Variants in SLC52A1 observed in about 807,000 individuals in gnomAD.
SLC52A1 encodes the protein solute carrier family 52, riboflavin transporter, member 1.
SLC52A1 carries 20 observed loss-of-function variants against 23.2 expected under a neutral mutation model. That is an observed-to-expected ratio of 0.86 (90% CI 0.61 to 1.25). The LOEUF is 1.25. Ranked by LOEUF, SLC52A1 falls within the 50% of genes most tolerant of loss-of-function variation. The pLI, the probability that SLC52A1 is intolerant of heterozygous loss-of-function variation, is 0.00. For synonymous variants in SLC52A1, 260 were observed against 256.6 expected (o/e 1.01, Z -0.13); for missense variants, 528 against 557.0 (o/e 0.95, Z 0.52).
In SLC52A1 at chr17:5,034,893, G is replaced by A. The variant is rs753862968; in HGVS notation, c.-140C>T. 11 of 329,426 alleles carry A rather than the reference G, an allele frequency of 3.3e-5. No individual in the cohort carries two copies. Among genetic ancestry groups the A allele is most frequent in the African/African-American group, 1.5e-4 (7 of 48,154 alleles). The allele number at this position is 329,426 out of a possible 1,614,324, so 20.4% of individuals were successfully genotyped here. On this transcript the variant is annotated 5_prime_UTR_variant, in exon 1 of 5. Transcript: ENST00000254853. The stretch of plus-strand genomic sequence containing the variant: ...CACCGGCTGTGCGTTTGGGTACAGC[G>A]ACCCAGCAGTGCCGGCAGGCAGACA...
Position 5,033,020 on chromosome 17 carries a change from A to T in SLC52A1, c.1284T>A (p.Pro428=), listed in dbSNP as rs1418128885. The change falls in exon 5 of 5, where the codon CCT becomes CCA. Residue 428 remains proline, a synonymous_variant. Transcript: ENST00000254853. ...GSLLGAGAMF[P]PTSIYHVFQS... is the part of the protein sequence containing the mutation. ...GAAACACGTGGTAGATGCTGGTGGG[A>T]GGGAACATGGCACCGGCACCAAGCA... is the stretch of plus-strand genomic sequence containing the variant. 6.2e-7 allele frequency: 1 copy of T among 1,613,636 alleles called. No homozygotes were observed. Among genetic ancestry groups the T allele is most frequent in the East Asian group, 2.2e-5 (1 of 44,886 alleles).
chr17:5,041,125 G>A (rs772379640), intron 1 of SLC52A1, among the ~76,000 whole-genome samples: 5 of 150,652 alleles, frequency 3.3e-5, no homozygotes, highest in Non-Finnish European at 7.4e-5. Flanking sequence ...GGTCTCTGTC[G>A]CCCAGGCTGG....
Position 5,033,490 on chromosome 17 carries a change from G to T in SLC52A1, c.999C>A (p.Gly333=), listed in dbSNP as rs374646797. The change falls in exon 3 of 5, where the codon GGC becomes GGA. Residue 333 remains glycine (G), a synonymous_variant. Transcript: ENST00000254853. ...GGACCCTTTTGCACCTGCACAGCAC[G>T]CCCATGGCCAGGAAGCAGGCAAGGG... ...ANPLACFLAM[G]VLCRSLAGLV... The T allele has an allele frequency of 3.1e-6, 5 of 1,611,508 alleles. No individual in the cohort carries two copies. The highest frequency in any genetic ancestry group is 1.3e-5 in the African/African-American group (1 of 74,888).
At chr17:5,037,285 C>T (rs1334859126), upstream of SLC52A1, among the ~76,000 whole-genome samples, 11 of 152,122 alleles carry the variant, frequency 7.2e-5, no homozygotes, top group African/African-American at 1.4e-4. Context: ...TTTGGGAGGC[C>T]GAGGCGGGCT....
upstream of SLC52A1, among the ~76,000 whole-genome samples, chr17:5,035,959 A>G (rs1344007587): frequency 7.1e-5 from 10 of 141,802 alleles, no homozygotes; most frequent in Non-Finnish European, 1.5e-4. Context: ...GGCTCAAGCA[A>G]TCTTCCTACC....
rs148063153 is a variant in SLC52A1 at position 5,033,081 on chromosome 17, A to T, written c.1223T>A (p.Leu408Ter). 2 of 1,613,582 alleles carry T rather than the reference A, an allele frequency of 1.2e-6. No individual in the cohort carries two copies. Among genetic ancestry groups the T allele is most frequent in the Non-Finnish European group, 1.7e-6 (2 of 1,180,022 alleles). Residue 408 changes from leucine (L) to a stop codon, truncating the protein, a stop_gained, in exon 5 of 5, where the codon TTG (leucine) becomes TAG (stop). Coordinates refer to ENST00000254853, the MANE Select transcript of SLC52A1 (RefSeq NM_017986.4). LOFTEE classifies it low-confidence loss of function (END_TRUNC). ...SLLHGGGRPA[L>*]LAAGVAIQVG... Reference sequence around the variant, plus strand: ...TTGGATGGCCACACCAGCTGCCAGCAATGCCGGCCGACCCCCACCATGCAG... The same window carrying T: ...TTGGATGGCCACACCAGCTGCCAGCTATGCCGGCCGACCCCCACCATGCAG...
chr17:5,036,040 C>CTTTTTTTTT (rs34027393), upstream of SLC52A1, among the ~76,000 whole-genome samples: 1 of 69,794 alleles, frequency 1.4e-5, no homozygotes, highest in Non-Finnish European at 2.6e-5. Flanking sequence ...TGTTTTTACA[C>CTTTTTTTTT]TTTTTTTTTT....
In SLC52A1 at chr17:5,033,997, C is replaced by G. The variant is rs770536299; in HGVS notation, c.492G>C (p.Val164=). Reference sequence around the variant, plus strand: ...GGCACTCGAGGCGGCCCACACCTTGCACTAGGGCCAGCACACAGGGGAGTA... The same window carrying G: ...GGCACTCGAGGCGGCCCACACCTTGGACTAGGGCCAGCACACAGGGGAGTA... ...SALLPCVLAL[V]QGVGRLECPP... Residue 164 remains valine, a synonymous_variant, in exon 3 of 5, where the codon GTG becomes GTC. Coordinates refer to ENST00000254853, the MANE Select transcript of SLC52A1 (RefSeq NM_017986.4). 17 of 1,613,850 alleles carry G rather than the reference C, an allele frequency of 1.1e-5. No homozygotes were observed. The highest frequency in any genetic ancestry group is 1.4e-5 in the Non-Finnish European group (17 of 1,179,918).
rs888348535 is a variant in SLC52A1, at chr17:5,033,864, C to T, written c.625G>A (p.Ala209Thr). ...ALTALLVTSA[A>T]AFRGLLLLLP... ...AGCAACAGGAGACCCCGGAAGGCGG[C>T]AGCTGAAGTGACCAGAAGGGCAGTC... Residue 209 changes from alanine to threonine, a missense_variant, in exon 3 of 5, where the codon GCC (alanine) becomes ACC (threonine). By Grantham distance (58) the Ala-to-Thr change is moderately conservative. Coordinates refer to ENST00000254853, the MANE Select transcript of SLC52A1 (RefSeq NM_017986.4). The T allele has an allele frequency of 6.2e-7, 1 of 1,614,110 alleles. No individual in the cohort carries two copies. Among genetic ancestry groups the T allele is most frequent in the African/African-American group, 1.3e-5 (1 of 74,946 alleles).
At chr17:5,040,914 A>C (rs911661836) in intron 1 of SLC52A1, among the ~76,000 whole-genome samples, 2 of 149,470 alleles carry the variant, frequency 1.3e-5, no homozygotes, top group African/African-American at 4.9e-5. Context: ...TTCTGCCTCA[A>C]CCTCCCGAGT....
chr17:5,040,464 G>A (rs1400413699), intron 1 of SLC52A1, among the ~76,000 whole-genome samples: 2 of 152,080 alleles, frequency 1.3e-5, no homozygotes, highest in Non-Finnish European at 1.5e-5. Context: ...ATGAACCACC[G>A]TTCCTAGTCC....
At chr17:5,041,760 T>A (rs576006544) in intron 1 of SLC52A1, among the ~76,000 whole-genome samples, 55 of 152,198 alleles carry the variant, frequency 3.6e-4, no homozygotes, top group Non-Finnish European at 2.4e-4. Flanking sequence ...ATTACAGGTG[T>A]GAGCCACCAC....
chr17:5,033,099 C>A lies in SLC52A1; in HGVS notation c.1205G>T (p.Gly402Val). The A allele has an allele frequency of 6.2e-7, 1 of 1,613,798 alleles. No homozygotes were observed. Among genetic ancestry groups the A allele is most frequent in the Admixed American group, 1.7e-5 (1 of 60,018 alleles). Residue 402 changes from glycine (G) to valine (V), a missense_variant, in exon 5 of 5, where the codon GGT becomes GTT. Gly to Val is a moderately radical substitution (Grantham distance 109). Transcript: ENST00000254853. ...TGCCAGCAATGCCGGCCGACCCCCA[C>A]CATGCAGCAGGGAGCTTGCAGCCAC... ...VKVAASSLLH[G>V]GGRPALLAAG...
At chr17:5,038,729 G>A (rs1975506171), upstream of SLC52A1, among the ~76,000 whole-genome samples, 1 of 151,920 alleles carries the variant, frequency 6.6e-6, no homozygotes, top group Non-Finnish European at 1.5e-5. Flanking sequence ...TGGGACTACA[G>A]GCGCCCACCA....
chr17:5,034,629 A>G lies in SLC52A1; in HGVS notation c.-23T>C. 1.2e-6 allele frequency: 2 copies of G among 1,613,538 alleles called. No homozygotes were observed. Among genetic ancestry groups the G allele is most frequent in the Non-Finnish European group, 1.7e-6 (2 of 1,179,796 alleles). ...CATTCAGCCCAAAGCTGGACCCTCC[A>G]GGACAGGGCAAAGGTCACAGGCAGG... On this transcript the variant is annotated 5_prime_UTR_variant, in exon 2 of 5. Coordinates refer to ENST00000254853, the MANE Select transcript of SLC52A1 (RefSeq NM_017986.4).
At chr17:5,037,264 A>G (rs1975479783), upstream of SLC52A1, among the ~76,000 whole-genome samples, 1 of 152,232 alleles carries the variant, frequency 6.6e-6, no homozygotes, top group East Asian at 1.9e-4. Context: ...TCACGCCTGT[A>G]ATCCCAACAC....
chr17:5,037,919 T>TC (rs1975493747), upstream of SLC52A1, among the ~76,000 whole-genome samples: 1 of 142,700 alleles, frequency 7.0e-6, no homozygotes, highest in African/African-American at 2.6e-5. Context: ...CCTTCCTTTT[T>TC]TTTTTTTTTT....
chr17:5,034,113 A>C lies in SLC52A1; in HGVS notation c.376T>G (p.Cys126Gly). 2 of 1,614,228 alleles carry C rather than the reference A, an allele frequency of 1.2e-6. No individual in the cohort carries two copies. Among genetic ancestry groups the C allele is most frequent in the Non-Finnish European group, 1.7e-6 (2 of 1,180,036 alleles). ...GGCAGGAAAGTGACATTAGAGGTACAACAGGCCATTGCCAACACCAAGGCC... is the reference window on the plus strand; with the variant it reads ...GGCAGGAAAGTGACATTAGAGGTACCACAGGCCATTGCCAACACCAAGGCC... ...TLALVLAMAC[C>G]TSNVTFLPFL... Residue 126 changes from cysteine (C) to glycine (G), a missense_variant, in exon 3 of 5, where the codon TGT becomes GGT. Cys to Gly is a radical substitution (Grantham distance 159, BLOSUM62 -3). Coordinates refer to ENST00000254853, the MANE Select transcript of SLC52A1 (RefSeq NM_017986.4).
At chr17:5,039,429 C>T (rs913361195), upstream of SLC52A1, among the ~76,000 whole-genome samples, 29 of 152,116 alleles carry the variant, frequency 1.9e-4, no homozygotes, top group Admixed American at 1.4e-3. Flanking sequence ...GTCCCCTTAA[C>T]GTAGGTGATC....
Sources: gnomAD v4.1 joint callset for allele counts (sites outside exome capture counted in the v4.1 genomes callset) on GRCh38, gnomAD v4.1.1 for gene constraint, MANE v1.5 for transcripts, NCBI Gene and HGNC (gene_info 2026-07-23, HGNC 2026-07-21) for gene names.